Variants in ARK2N observed in about 807,000 individuals in gnomAD.
The protein encoded by ARK2N is protein ARK2N.
the ARK2N span, among the ~76,000 whole-genome samples, chr18:46,256,932 C>T: frequency 6.6e-6 from 1 of 152,146 alleles, no homozygotes; most frequent in Non-Finnish European, 1.5e-5. Context: ...TTGTTGGTTG[C>T]TTCAGAGTTG....
the ARK2N span, among the ~76,000 whole-genome samples, chr18:46,186,939 C>T: frequency 5.3e-5 from 8 of 151,556 alleles, no homozygotes; most frequent in South Asian, 2.1e-4. Context: ...ACTGCAACCT[C>T]TGCCTCCCGG....
the ARK2N span, chr18:46,218,039 C>A: frequency 1.3e-5 from 2 of 152,190 alleles, no homozygotes; most frequent in East Asian, 3.8e-4. Flanking sequence ...TAATACAATA[C>A]TTACTTCCAC....
At chr18:46,203,956 T>C in the ARK2N span, among the ~76,000 whole-genome samples, 2 of 152,172 alleles carry the variant, frequency 1.3e-5, no homozygotes, top group Admixed American at 1.3e-4. Context: ...TGTTTTTTAG[T>C]GGGCTCATAT....
the ARK2N span, among the ~76,000 whole-genome samples, chr18:46,242,868 G>A: frequency 6.6e-6 from 1 of 152,086 alleles, no homozygotes; most frequent in Non-Finnish European, 1.5e-5. Context: ...CATTTAGGGT[G>A]CTATTTTAAG....
the ARK2N span, among the ~76,000 whole-genome samples, chr18:46,199,851 A>G: frequency 1.3e-5 from 2 of 152,264 alleles, no homozygotes; most frequent in East Asian, 1.9e-4. Flanking sequence ...GTTTGGTTCT[A>G]TAGGACATCT....
chr18:46,199,391 T>G, the ARK2N span, among the ~76,000 whole-genome samples: 1 of 152,010 alleles, frequency 6.6e-6, no homozygotes, highest in African/African-American at 2.4e-5. Context: ...CTCGGCTCAG[T>G]GCAACCTCTG....
chr18:46,253,197 G>C, the ARK2N span, among the ~76,000 whole-genome samples: 1 of 152,176 alleles, frequency 6.6e-6, no homozygotes, highest in Non-Finnish European at 1.5e-5. Flanking sequence ...TATGGTATTA[G>C]TGATTACTTC....
the ARK2N span, among the ~76,000 whole-genome samples, chr18:46,226,712 G>A: frequency 1.1e-4 from 17 of 151,992 alleles, no homozygotes; most frequent in Non-Finnish European, 1.9e-4. Flanking sequence ...AATACTGTGA[G>A]ACACAGCTAA....
chr18:46,180,178 C>T, the ARK2N span, among the ~76,000 whole-genome samples: 3 of 152,158 alleles, frequency 2.0e-5, no homozygotes, highest in Non-Finnish European at 2.9e-5. Flanking sequence ...GACCTCATTC[C>T]TCTTTGCTCA....
the ARK2N span, chr18:46,217,870 T>C: frequency 6.6e-6 from 1 of 152,196 alleles, no homozygotes; most frequent in Non-Finnish European, 1.5e-5. Flanking sequence ...GTTAAATGTA[T>C]GAGAGAAACA....
At chr18:46,209,579 T>G in the ARK2N span, among the ~76,000 whole-genome samples, 1 of 152,238 alleles carries the variant, frequency 6.6e-6, no homozygotes, top group African/African-American at 2.4e-5. Context: ...TTGTCCATAA[T>G]TAACAACCTG....
chr18:46,257,064 C>G, the ARK2N span, among the ~76,000 whole-genome samples: 1 of 152,136 alleles, frequency 6.6e-6, no homozygotes, highest in African/African-American at 2.4e-5. Context: ...AGGTTTTGAT[C>G]CACATCTTTT....
the ARK2N span, among the ~76,000 whole-genome samples, chr18:46,187,973 C>A: frequency 6.6e-6 from 1 of 152,206 alleles, no homozygotes; most frequent in Non-Finnish European, 1.5e-5. Context: ...ATAACTCCCT[C>A]TTCCCTCCTT....
At chr18:46,199,482 A>ATTTT in the ARK2N span, among the ~76,000 whole-genome samples, 3 of 82,402 alleles carry the variant, frequency 3.6e-5, no homozygotes, top group East Asian at 3.2e-4. Flanking sequence ...CACCCAGCTC[A>ATTTT]TTTTTTTTTT....
chr18:46,185,902 G>T, the ARK2N span, among the ~76,000 whole-genome samples: 2 of 152,138 alleles, frequency 1.3e-5, no homozygotes, highest in Non-Finnish European at 2.9e-5. Flanking sequence ...AAGGAGAATC[G>T]CTTGAACCCA....
the ARK2N span, among the ~76,000 whole-genome samples, chr18:46,185,405 A>G: frequency 0.017 from 2,657 of 152,320 alleles, 73 homozygotes; most frequent in African/African-American, 0.06. Context: ...GTGTGTGCAC[A>G]TGTGCCACAG....
chr18:46,189,013 G>A, the ARK2N span, among the ~76,000 whole-genome samples: 29 of 152,024 alleles, frequency 1.9e-4, no homozygotes, highest in African/African-American at 5.3e-4. Flanking sequence ...TCAGGAGTTC[G>A]AGACCAGCCT....
At chr18:46,260,478 A>G in the ARK2N span, among the ~76,000 whole-genome samples, 2 of 152,212 alleles carry the variant, frequency 1.3e-5, no homozygotes, top group Non-Finnish European at 2.9e-5. Flanking sequence ...CCAGTGTCCT[A>G]CTAATAAATT....
the ARK2N span, among the ~76,000 whole-genome samples, chr18:46,257,458 T>G: frequency 0.011 from 1,678 of 152,304 alleles, 19 homozygotes; most frequent in Admixed American, 0.016. Context: ...CTTTCTGAGC[T>G]AATGGTTGAA....
Sources: gnomAD v4.1 joint callset for allele counts (sites outside exome capture counted in the v4.1 genomes callset) on GRCh38, gnomAD v4.1.1 for gene constraint, MANE v1.5 for transcripts, NCBI Gene and HGNC (gene_info 2026-07-23, HGNC 2026-07-21) for gene names.